Variants in CFAP52 observed in about 807,000 individuals in gnomAD.
CFAP52 encodes the protein cilia and flagella associated protein 52.
In CFAP52, 57 loss-of-function variants were observed where a neutral mutation model predicts 70.5. That is an observed-to-expected ratio of 0.81 (90% CI 0.65 to 1.01). CFAP52 has a LOEUF of 1.01. Among genes scored for constraint, CFAP52 ranks in the 50% least tolerant of loss-of-function variants. The pLI, the probability that CFAP52 is intolerant of heterozygous loss-of-function variation, is 0.00. For synonymous variants in CFAP52, 267 were observed against 292.5 expected (o/e 0.91, Z 0.89); for missense variants, 785 against 788.5 (o/e 1.00, Z 0.05).
intron 6 of CFAP52, among the ~76,000 whole-genome samples, chr17:9,602,180 G>A (rs1430699392): frequency 2.0e-5 from 3 of 152,066 alleles, no homozygotes; most frequent in African/African-American, 7.2e-5. Context: ...AGACCGTGCA[G>A]GTTTGTTACA....
chr17:9,623,261 T>C (rs1910115509), intron 8 of CFAP52, among the ~76,000 whole-genome samples: 1 of 152,212 alleles, frequency 6.6e-6, no homozygotes, highest in South Asian at 2.1e-4. Context: ...ACAGCTTTCT[T>C]ATGCTTACTC....
intron 10 of CFAP52, among the ~76,000 whole-genome samples, chr17:9,634,975 T>C (rs1910709134): frequency 6.6e-6 from 1 of 152,154 alleles, no homozygotes; most frequent in African/African-American, 2.4e-5. Context: ...TTTTAAATGA[T>C]CAAAATTGAA....
At chr17:9,598,760 C>CAAAAAAAAAAAAAAAAAA (rs71135996) in intron 5 of CFAP52, among the ~76,000 whole-genome samples, 1 of 132,570 alleles carries the variant, frequency 7.5e-6, no homozygotes, top group Non-Finnish European at 1.6e-5. Context: ...CACTCTGTTT[C>CAAAAAAAAAAAAAAAAAA]AAAAAAAAAA....
At chr17:9,623,348 A>G (rs1443248361) in intron 8 of CFAP52, among the ~76,000 whole-genome samples, 1 of 152,100 alleles carries the variant, frequency 6.6e-6, no homozygotes, top group Non-Finnish European at 1.5e-5. Context: ...TTGAAACAGC[A>G]TATACTTGGT....
At chr17:9,641,970 A>T (rs1472347812) in intron 13 of CFAP52, 135 bp downstream of exon 13, 2 of 621,334 alleles carry the variant, frequency 3.2e-6, no homozygotes, top group Non-Finnish European at 5.6e-6. Flanking sequence ...GATTCCAACC[A>T]ATACTGCAGC....
In CFAP52 at chr17:9,594,322, G is replaced by T. The variant is rs746987839; in HGVS notation, c.536+1G>T. The T allele has an allele frequency of 3.1e-6, 5 of 1,610,514 alleles. No individual in the cohort carries two copies. In the East Asian group the frequency reaches 1.1e-4, roughly 36 times the overall value. On this transcript the variant is annotated splice_donor_variant, in intron 4 of 13. Coordinates refer to ENST00000352665, the MANE Select transcript of CFAP52 (RefSeq NM_145054.5). LOFTEE classifies it high-confidence loss of function. ...ATGAGATGTTTATGACTGCTGGAAA[G>T]TATGTGTCTGCGTTCGGAGTTTTCA...
At chr17:9,631,080 AAGAGAAAGAAAGAAAGAGAAAGAAAG>A (rs1910513740) in intron 9 of CFAP52, among the ~76,000 whole-genome samples, 1 of 68,508 alleles carries the variant, frequency 1.5e-5, no homozygotes, top group African/African-American at 5.6e-5. Context: ...GAAAGAAAGA[AAGAGAAAGAAAGAAAGAGAAAGAAAG>A]AACATAAGTC....
chr17:9,584,175 G>A (rs886695062), intron 1 of CFAP52: 69 of 1,196,130 alleles, frequency 5.8e-5, no homozygotes, highest in Non-Finnish European at 7.2e-5. Flanking sequence ...TTTTATTTTT[G>A]CTGAAGGTCC....
chr17:9,586,111 C>T (rs1908461016), intron 2 of CFAP52, 139 bp downstream of exon 2: 10 of 896,810 alleles, frequency 1.1e-5, no homozygotes, highest in Non-Finnish European at 1.7e-5. Context: ...CTCTTTTAAC[C>T]CATTTTCATT....
intron 1 of CFAP52, among the ~76,000 whole-genome samples, chr17:9,577,543 G>A (rs1015130176): frequency 6.6e-6 from 1 of 152,204 alleles, no homozygotes; most frequent in African/African-American, 2.4e-5. Flanking sequence ...TCAAAAATGT[G>A]TGTTGTGATG....
chr17:9,603,365 T>G (rs757789260), intron 6 of CFAP52, among the ~76,000 whole-genome samples: 32 of 152,116 alleles, frequency 2.1e-4, no homozygotes, highest in Admixed American at 6.6e-5. Context: ...CCTACCACCA[T>G]GCCCAGCTAA....
In CFAP52 at chr17:9,635,533, G is replaced by A. The variant is rs1323122240; in HGVS notation, c.1449G>A (p.Gly483=). Residue 483 remains glycine (G), a synonymous_variant, in exon 11 of 14, where the codon GGG becomes GGA. Transcript: ENST00000352665. ...AGTGTGTCACCGCCAGCACCGATGG[G>A]ACTTGTATCATTTGGGACCTTGTGT... The part of the protein sequence containing the change: ...NEECVTASTD[G]TCIIWDLVRL... 1 of 1,614,192 alleles carries A rather than the reference G, an allele frequency of 6.2e-7. No individual in the cohort carries two copies.
intron 9 of CFAP52, among the ~76,000 whole-genome samples, chr17:9,632,080 T>C (rs962401981): frequency 8.7e-5 from 13 of 149,490 alleles, no homozygotes; most frequent in African/African-American, 3.2e-4. Context: ...GCCTCCACTT[T>C]TTTTTTTCTT....
intron 7 of CFAP52, among the ~76,000 whole-genome samples, chr17:9,608,923 T>C (rs1245228184): frequency 6.6e-6 from 1 of 152,132 alleles, no homozygotes; most frequent in Non-Finnish European, 1.5e-5. Flanking sequence ...CCAGACAAGA[T>C]AGGATATTAG....
chr17:9,633,104 T>C, intron 10 of CFAP52, 71 bp downstream of exon 10: 1 of 1,526,530 alleles, frequency 6.6e-7, no homozygotes, highest in Non-Finnish European at 8.8e-7. Flanking sequence ...GCCATCTATT[T>C]GCTTTTAAAA....
intron 9 of CFAP52, among the ~76,000 whole-genome samples, chr17:9,630,777 G>T (rs563181203): frequency 1.6e-4 from 24 of 150,466 alleles, no homozygotes; most frequent in African/African-American, 5.6e-4. Flanking sequence ...CCTGAGGTCA[G>T]GAGTTTGAGA....
At chr17:9,627,439 A>T (rs1292422390) in intron 8 of CFAP52, among the ~76,000 whole-genome samples, 2 of 152,164 alleles carry the variant, frequency 1.3e-5, no homozygotes, top group Non-Finnish European at 2.9e-5. Context: ...TGAACACAGG[A>T]GGTGGAGTAA....
At chr17:9,591,030 CTTTTTTTTTTT>C (rs34888799) in intron 3 of CFAP52, among the ~76,000 whole-genome samples, 1 of 76,758 alleles carries the variant, frequency 1.3e-5, no homozygotes, top group Non-Finnish European at 2.2e-5. Flanking sequence ...TTGCATGCAT[CTTTTTTTTTTT>C]TTTTTTTTTT....
chr17:9,582,528 G>C (rs1489381362), intron 1 of CFAP52, among the ~76,000 whole-genome samples: 1 of 152,144 alleles, frequency 6.6e-6, no homozygotes, highest in Non-Finnish European at 1.5e-5. Context: ...TGCCTTGTAG[G>C]AGTTCTTCGT....
Sources: allele counts gnomAD v4.1 joint callset (sites outside exome capture counted in the v4.1 genomes callset), GRCh38; gene constraint gnomAD v4.1.1; transcripts MANE v1.5; gene names NCBI Gene and HGNC (gene_info 2026-07-23, HGNC 2026-07-21).